The following FRMD4A variants were observed in gnomAD, a reference collection of about 807,000 sequenced individuals.
FRMD4A encodes the protein FERM domain-containing protein 4A.
In FRMD4A, 29 loss-of-function variants were observed where a neutral mutation model predicts 129.1. The observed-to-expected ratio is 0.22, with a 90% CI of 0.17 to 0.31. The LOEUF (loss-of-function observed/expected upper bound fraction) is 0.31. Among genes scored for constraint, FRMD4A ranks in the 10% least tolerant of loss-of-function variants. The pLI is 1.00. For synonymous variants in FRMD4A, 634 were observed against 571.6 expected (o/e 1.11, Z -1.56); for missense variants, 1,272 against 1,375.8 (o/e 0.92, Z 1.19).
At chr10:14,225,769 G>T (rs1016601536) in intron 2 of FRMD4A, among the ~76,000 whole-genome samples, 1 of 152,204 alleles carries the variant, frequency 6.6e-6, no homozygotes, top group South Asian at 2.1e-4. Flanking sequence ...AGAAGAAGCT[G>T]GTTAGACAGA....
chr10:14,313,284 C>A (rs1218416), intron 2 of FRMD4A, among the ~76,000 whole-genome samples: 2 of 152,004 alleles, frequency 1.3e-5, no homozygotes, highest in African/African-American at 4.8e-5. Context: ...GATCACTTGA[C>A]CCCAGGATGT....
In FRMD4A at chr10:13,761,510, G is replaced by C. The variant is rs1458013860; in HGVS notation, c.464+137C>G. On this transcript the variant is annotated intron_variant, in intron 8 of 24. Coordinates refer to ENST00000357447, the MANE Select transcript of FRMD4A (RefSeq NM_018027.5). ...CTGATCTATCTGTTTCAGTGGACAA[G>C]TTGAGAGTTAGATCTCATCATTAAC... 9.0e-6 allele frequency: 6 copies of C among 667,768 alleles called. No individual in the cohort carries two copies. In the African/African-American group the frequency reaches 9.0e-5, roughly 10 times the overall value. 41.4% of individuals were successfully genotyped at this position (667,768 alleles called of 1,614,324 possible).
chr10:13,655,357 C>T (rs772240958), intron 22 of FRMD4A: 1 of 151,956 alleles, frequency 6.6e-6, no homozygotes. Context: ...ATTTACAAAA[C>T]GTTGGTTCTT....
intron 15 of FRMD4A, among the ~76,000 whole-genome samples, chr10:13,687,088 C>T (rs191263717): frequency 2.6e-5 from 4 of 152,228 alleles, no homozygotes; most frequent in East Asian, 3.9e-4. Flanking sequence ...CTCAAGAGTT[C>T]GAGACCATCC....
chr10:13,810,731 C>T (rs2093430242), intron 4 of FRMD4A, 83 bp downstream of exon 4: 6 of 658,366 alleles, frequency 9.1e-6, no homozygotes, highest in South Asian at 3.7e-5. Context: ...CAGCTGATTT[C>T]GCTGCTAACA....
At chr10:13,858,631 A>G (rs1480292508) in intron 3 of FRMD4A, among the ~76,000 whole-genome samples, 3 of 152,226 alleles carry the variant, frequency 2.0e-5, no homozygotes, top group Non-Finnish European at 4.4e-5. Context: ...AATAGGGTAG[A>G]TGTACATCTG....
chr10:14,013,919 G>A (rs942603586), intron 2 of FRMD4A, among the ~76,000 whole-genome samples: 1 of 152,154 alleles, frequency 6.6e-6, no homozygotes, highest in Non-Finnish European at 1.5e-5. Context: ...CAACAAGAGA[G>A]AAACTCCATT....
At chr10:13,935,978 G>A (rs998459295) in intron 2 of FRMD4A, among the ~76,000 whole-genome samples, 1 of 152,186 alleles carries the variant, frequency 6.6e-6, no homozygotes, top group Non-Finnish European at 1.5e-5. Flanking sequence ...TGGTAGATTT[G>A]TATAACTAAA....
chr10:13,854,825 C>A lies in FRMD4A; in HGVS notation c.111+4022G>T, dbSNP rs551629861. ...GCTGTCTGTGGGCTGAACTGCAGGG[C>A]AATCTGTCTATGCAACCTGCATGTG... On this transcript the variant is annotated intron_variant, in intron 3 of 24. Transcript: ENST00000357447. 2.6e-5 allele frequency among the ~76,000 whole-genome samples: 4 copies of A among 152,220 alleles called. No homozygotes were observed. The South Asian group carries it at 8.3e-4, about 32-fold the overall frequency.
At chr10:14,095,577 C>T (rs755366038) in intron 2 of FRMD4A, among the ~76,000 whole-genome samples, 3 of 152,348 alleles carry the variant, frequency 2.0e-5, no homozygotes, top group African/African-American at 7.2e-5. Flanking sequence ...CACTTCTAAA[C>T]GCACTCTCAA....
At chr10:13,680,014 A>G (rs1458585674) in intron 15 of FRMD4A, among the ~76,000 whole-genome samples, 1 of 152,226 alleles carries the variant, frequency 6.6e-6, no homozygotes, top group Non-Finnish European at 1.5e-5. Context: ...TGGTTTTAAA[A>G]GGGAAGAAGG....
At position 14,293,208 on chromosome 10, in the gene FRMD4A, T is replaced by C. The variant is rs1306276273; in HGVS notation, c.45+36850A>G. On this transcript the variant is annotated intron_variant, in intron 2 of 24. Transcript: ENST00000357447. The stretch of plus-strand genomic sequence containing the variant: ...ATCATGAGAGCAAAGCCTAATAATA[T>C]TATTATCATGGGAGTCAGTTGGTTG... Among the ~76,000 whole-genome samples the C allele has an allele frequency of 1.1e-4, 17 of 152,158 alleles. 1 individual carries two copies. The highest frequency in any genetic ancestry group is 1.1e-3 in the Admixed American group (17 of 15,272).
intron 2 of FRMD4A, among the ~76,000 whole-genome samples, chr10:14,078,269 A>G (rs1486332672): frequency 6.6e-6 from 1 of 152,212 alleles, no homozygotes; most frequent in African/African-American, 2.4e-5. Context: ...GTAGGAGAAG[A>G]ACCTGGAGGG....
At chr10:13,916,661 T>A (rs1009259603) in intron 2 of FRMD4A, among the ~76,000 whole-genome samples, 8 of 152,146 alleles carry the variant, frequency 5.3e-5, no homozygotes, top group African/African-American at 1.9e-4. Flanking sequence ...TGTTTGTAGA[T>A]TCAATGTACA....
rs1218287756 is a variant in FRMD4A, at chr10:13,660,349, T to A, written c.1865A>T (p.Lys622Met). 5.0e-6 allele frequency: 8 copies of A among 1,613,908 alleles called. No homozygotes were observed. Among genetic ancestry groups the A allele is most frequent in the Non-Finnish European group, 8.5e-7 (1 of 1,179,790 alleles). ...SESSLDEPYE[K>M]VKKRSSHSHS... is the part of the protein sequence containing the mutation. ...GCTGTGAGAGGAGCGCTTCTTGACCTTCTCATAGGGTTCATCTAAAGAGGA... is the reference window on the plus strand; with the variant it reads ...GCTGTGAGAGGAGCGCTTCTTGACCATCTCATAGGGTTCATCTAAAGAGGA... The change falls in exon 20 of 25, where the codon AAG (lysine) becomes ATG (methionine). Residue 622 changes from lysine (K) to methionine (M), a missense_variant. Physicochemically the swap from Lys to Met is moderately conservative, Grantham distance 95. This residue lies in a region of FRMD4A where 972 missense variants were observed against 892.3 expected (regional missense o/e 1.09). Coordinates refer to ENST00000357447, the MANE Select transcript of FRMD4A (RefSeq NM_018027.5).
rs189421361 is a variant in FRMD4A, at chr10:13,977,457, T to C, written c.46-118545A>G. On this transcript the variant is annotated intron_variant, in intron 2 of 24. Transcript: ENST00000357447. ...TTGTTCTTTAAATGAAGGTGGCCTA[T>C]CACTCTTTGTCAGTGCTCTTAAAAA... Among the ~76,000 whole-genome samples, 23 of 152,348 alleles carry C rather than the reference T, an allele frequency of 1.5e-4. No individual in the cohort carries two copies. The East Asian group carries it at 4.1e-3, about 27-fold the overall frequency.
chr10:14,196,519 A>T (rs1203043123), intron 2 of FRMD4A, among the ~76,000 whole-genome samples: 1 of 152,268 alleles, frequency 6.6e-6, no homozygotes, highest in Non-Finnish European at 1.5e-5. Flanking sequence ...ATTTTACACA[A>T]GAAAAACAAA....
chr10:13,897,535 C>T (rs2094772029), intron 2 of FRMD4A, among the ~76,000 whole-genome samples: 1 of 152,142 alleles, frequency 6.6e-6, no homozygotes, highest in Non-Finnish European at 1.5e-5. Context: ...GACACGAGAC[C>T]CTATGCCTGC....
chr10:14,083,584 G>T (rs1039260907), intron 2 of FRMD4A: 1 of 152,352 alleles, frequency 6.6e-6, no homozygotes, highest in African/African-American at 2.4e-5. Context: ...CGGCCCTGGG[G>T]TCAGTCTGTA....
Sources: gnomAD v4.1 joint callset for allele counts (sites outside exome capture counted in the v4.1 genomes callset) on GRCh38, gnomAD v4.1.1 for gene constraint, gnomAD v4.1.1 regional missense constraint, MANE v1.5 for transcripts, NCBI Gene and HGNC (gene_info 2026-07-23, HGNC 2026-07-21) for gene names.